Variants in ZBTB40 observed in about 807,000 individuals in gnomAD.
The protein encoded by ZBTB40 is zinc finger and BTB domain containing 40, also known as zinc finger and BTB domain-containing protein 40.
ZBTB40 carries 60 observed loss-of-function variants against 117.5 expected under a neutral mutation model. The observed-to-expected ratio is 0.51, with a 90% confidence interval of 0.41 to 0.63. ZBTB40 has a LOEUF of 0.63. Among genes scored for constraint, ZBTB40 ranks in the 30% least tolerant of loss-of-function variants. ZBTB40 has a pLI of 0.00. For synonymous variants in ZBTB40, 525 were observed against 577.1 expected, an observed-to-expected ratio of 0.91 and a Z score of 1.29; for missense variants, 1,287 against 1,498.5, an observed-to-expected ratio of 0.86 and a Z score of 2.33.
chr1:22,492,566 G>A (rs911076817), intron 3 of ZBTB40, among the ~76,000 whole-genome samples: 2 of 152,210 alleles, frequency 1.3e-5, no homozygotes, highest in South Asian at 2.1e-4. Context: ...AGTGTGGGCC[G>A]ATCCTCCCAT....
At chr1:22,470,753 A>G (rs953541717) in intron 1 of ZBTB40, among the ~76,000 whole-genome samples, 1 of 152,238 alleles carries the variant, frequency 6.6e-6, no homozygotes, top group African/African-American at 2.4e-5. Flanking sequence ...AATAGACGAG[A>G]CATCACAGAA....
intron 3 of ZBTB40, among the ~76,000 whole-genome samples, chr1:22,501,167 TTATAA>T (rs371491925): frequency 1.7e-4 from 26 of 151,924 alleles, no homozygotes; most frequent in Admixed American, 4.6e-4. Flanking sequence ...AAAAAAAAAA[TTATAA>T]TATAGTGTGA....
rs2124454398 is a variant in ZBTB40, at chr1:22,509,115, A to G, written c.1715A>G (p.His572Arg). The change falls in exon 9 of 18, where the codon CAT becomes CGT. Residue 572 changes from histidine (H) to arginine (R), a missense_variant. By Grantham distance (29) the His-to-Arg change is conservative. This residue lies in a region of ZBTB40 where 870 missense variants were observed against 934.4 expected (regional missense o/e 0.93). Transcript: ENST00000375647. ...AFFRAVTTPEHATLETILRHN... is the reference protein window; with the variant it reads ...AFFRAVTTPERATLETILRHN... ...TTTTTTTCAGTGACCACCCCAGAAC[A>G]TGCCACTTTAGAAACAATCCTGAGG... is the stretch of plus-strand genomic sequence containing the variant. 6.2e-7 allele frequency: 1 copy of G among 1,614,138 alleles called. No individual in the cohort carries two copies. Among genetic ancestry groups the G allele is most frequent in the Middle Eastern group, 1.6e-4 (1 of 6,062 alleles).
At chr1:22,450,636 T>C (rs1258685864), upstream of ZBTB40, among the ~76,000 whole-genome samples, 1 of 152,150 alleles carries the variant, frequency 6.6e-6, no homozygotes, top group Non-Finnish European at 1.5e-5. Flanking sequence ...AAAGTGCTAT[T>C]TTGAACAGAA....
intron 16 of ZBTB40, among the ~76,000 whole-genome samples, chr1:22,522,979 ACT>A (rs1445724143): frequency 9.3e-6 from 1 of 108,016 alleles, no homozygotes; most frequent in African/African-American, 3.5e-5. Flanking sequence ...ATGGAGTCTC[ACT>A]CTGTCACCCA....
chr1:22,494,528 C>T (rs796771495), intron 3 of ZBTB40, among the ~76,000 whole-genome samples: 2 of 152,102 alleles, frequency 1.3e-5, no homozygotes, highest in African/African-American at 2.4e-5. Flanking sequence ...TTAACAGGCT[C>T]CCCCATGGGT....
chr1:22,529,840 A>G lies in ZBTB40; in HGVS notation c.*3444A>G, dbSNP rs540163998. The stretch of plus-strand genomic sequence containing the variant: ...TCATGCCTCGGGCTAGAGTTCTGAT[A>G]ATCGGGGCTGAGGGGTGAAAAGAAA... On this transcript the variant is annotated 3_prime_UTR_variant, in exon 18 of 18. Transcript: ENST00000375647. 6.6e-6 allele frequency: 1 copy of G among 152,224 alleles called. No individual in the cohort carries two copies. The highest frequency in any genetic ancestry group is 2.4e-5 in the African/African-American group (1 of 41,494). The allele number at this position is 152,224 out of a possible 1,614,324, so 9.4% of individuals were successfully genotyped here.
At chr1:22,447,047 G>A (rs1640797676), upstream of ZBTB40, among the ~76,000 whole-genome samples, 1 of 151,266 alleles carries the variant, frequency 6.6e-6, no homozygotes, top group Admixed American at 6.6e-5. Flanking sequence ...AGGCTGCAGT[G>A]AGCCATGATA....
chr1:22,515,073 T>G (rs377764954), intron 12 of ZBTB40, among the ~76,000 whole-genome samples: 57 of 152,302 alleles, frequency 3.7e-4, no homozygotes, highest in African/African-American at 1.3e-3. Context: ...GGACACTATT[T>G]GTATCATCAG....
At chr1:22,512,203 T>C in intron 11 of ZBTB40, 69 bp downstream of exon 11, 3 of 1,555,432 alleles carry the variant, frequency 1.9e-6, no homozygotes, top group Non-Finnish European at 2.6e-6. Flanking sequence ...TTCAGGCCTT[T>C]CCCTTAGTTG....
intron 16 of ZBTB40, among the ~76,000 whole-genome samples, chr1:22,522,703 C>T (rs1020939318): frequency 6.6e-6 from 1 of 152,126 alleles, no homozygotes; most frequent in Non-Finnish European, 1.5e-5. Context: ...TTGCTATACT[C>T]ATCAAATCTA....
chr1:22,491,652 T>G lies in ZBTB40; in HGVS notation c.831+119T>G, dbSNP rs889419745. 12 of 1,250,486 alleles carry G rather than the reference T, an allele frequency of 9.6e-6. No homozygotes were observed. The African/African-American group carries it at 1.5e-4, about 16-fold the overall frequency. The allele number at this position is 1,250,486 out of a possible 1,614,324, so 77.5% of individuals were successfully genotyped here. ...TCAATGTTTTGAAACTTTAATTTTT[T>G]TTTTTTTTTGGACATTTATTCCCTA... On this transcript the variant is annotated intron_variant, in intron 3 of 17. Transcript: ENST00000375647.
At chr1:22,469,455 G>C (rs1170835354) in intron 1 of ZBTB40, among the ~76,000 whole-genome samples, 3 of 152,114 alleles carry the variant, frequency 2.0e-5, no homozygotes, top group Non-Finnish European at 4.4e-5. Context: ...GAGGAGCTGG[G>C]ACTACAGGTA....
intron 3 of ZBTB40, among the ~76,000 whole-genome samples, chr1:22,496,212 C>A (rs1364880172): frequency 6.6e-6 from 1 of 152,168 alleles, no homozygotes. Context: ...CACTCAGCAT[C>A]CCCAGGGATT....
chr1:22,517,268 G>T (rs1445124879), intron 12 of ZBTB40, 32 bp from the exon 13 acceptor site: 2 of 1,612,772 alleles, frequency 1.2e-6, no homozygotes, highest in Non-Finnish European at 1.7e-6. Flanking sequence ...AATTTTTAGT[G>T]CTGACTCTAA....
intron 1 of ZBTB40, among the ~76,000 whole-genome samples, chr1:22,468,343 C>T (rs1161479747): frequency 6.6e-6 from 1 of 151,676 alleles, no homozygotes; most frequent in Non-Finnish European, 1.5e-5. Flanking sequence ...CTTTTGATTC[C>T]ATGTTTTGAT....
chr1:22,451,283 G>T (rs1640863009), upstream of ZBTB40, among the ~76,000 whole-genome samples: 1 of 152,182 alleles, frequency 6.6e-6, no homozygotes, highest in Non-Finnish European at 1.5e-5. Context: ...GAAAAACGAA[G>T]CCTTTTGTGT....
intron 1 of ZBTB40, among the ~76,000 whole-genome samples, chr1:22,483,531 A>G (rs1403043882): frequency 6.6e-6 from 1 of 152,186 alleles, no homozygotes; most frequent in Admixed American, 6.5e-5. Context: ...CAATTCTCTA[A>G]AGACATACCA....
At chr1:22,436,415 G>C (rs1640671385) in intron 1 of ZBTB40, among the ~76,000 whole-genome samples, 1 of 152,208 alleles carries the variant, frequency 6.6e-6, no homozygotes, top group African/African-American at 2.4e-5. Context: ...AGGAGGCTGA[G>C]GCAGGAGAAT....
Sources: allele counts gnomAD v4.1 joint callset (sites outside exome capture counted in the v4.1 genomes callset), GRCh38; gene constraint gnomAD v4.1.1; regional missense constraint gnomAD v4.1.1; transcripts MANE v1.5; gene names NCBI Gene and HGNC (gene_info 2026-07-23, HGNC 2026-07-21).